COL5A1: variants seen among roughly 807,000 people sequenced by gnomAD.
COL5A1 encodes the protein collagen type V alpha 1 chain.
Under a neutral mutation model 263.7 loss-of-function variants are expected in COL5A1, and 16 were observed. The observed-to-expected ratio is 0.06, with a 90% CI of 0.04 to 0.09. COL5A1 has a LOEUF of 0.09. Ranked by LOEUF, COL5A1 falls within the 10% of genes least tolerant of loss-of-function variation. The probability of loss-of-function intolerance (pLI) is 1.00; values close to 1 mark genes in which losing one functional copy is unlikely to be tolerated. For synonymous variants in COL5A1, 1,012 were observed against 1,004.5 expected (o/e 1.01, Z -0.14); for missense variants, 2,036 against 2,540.5 (o/e 0.80, Z 4.27).
At chr9:134,790,308 A>G (rs1837621310) in intron 32 of COL5A1, among the ~76,000 whole-genome samples, 1 of 151,722 alleles carries the variant, frequency 6.6e-6, no homozygotes, top group African/African-American at 2.4e-5. Flanking sequence ...TTACCCATCC[A>G]TCCATCCACC....
intron 65 of COL5A1, among the ~76,000 whole-genome samples, chr9:134,836,962 G>A (rs935528011): frequency 1.3e-5 from 2 of 152,188 alleles, no homozygotes; most frequent in African/African-American, 4.8e-5. Context: ...CAGATCCCTG[G>A]AAAGAGGCAT....
intron 28 of COL5A1, among the ~76,000 whole-genome samples, chr9:134,780,434 A>G (rs139993129): frequency 1.7e-3 from 264 of 152,298 alleles, no homozygotes; most frequent in African/African-American, 5.9e-3. Flanking sequence ...CCCAGAGACA[A>G]CACACGGCCC....
rs912217531 is a variant in COL5A1, at chr9:134,677,048, T to G, written c.110-13864T>G. Among the ~76,000 whole-genome samples the G allele has an allele frequency of 6.6e-6, 1 of 152,144 alleles. No homozygotes were observed. Among genetic ancestry groups the G allele is most frequent in the Non-Finnish European group, 1.5e-5 (1 of 68,026 alleles). On this transcript the variant is annotated intron_variant, in intron 1 of 65. Coordinates refer to ENST00000371817, the MANE Select transcript of COL5A1 (RefSeq NM_000093.5). The surrounding 1 kb of genome is among the most constrained non-coding windows in gnomAD (Gnocchi z 4.4). ...GCCAGTCCTGGGCTTGGGGAGGCCA[T>G]GGAGTGCTCTGGTTGTGGTTTGCTG...
At chr9:134,771,168 C>T (rs549528026) in intron 25 of COL5A1, among the ~76,000 whole-genome samples, 1 of 152,266 alleles carries the variant, frequency 6.6e-6, no homozygotes, top group Non-Finnish European at 1.5e-5. Context: ...CTTCCTCGAG[C>T]AGCCGGGGCT....
intron 65 of COL5A1, among the ~76,000 whole-genome samples, chr9:134,840,412 G>A (rs1312369356): frequency 6.6e-6 from 1 of 152,156 alleles, no homozygotes; most frequent in Non-Finnish European, 1.5e-5. Flanking sequence ...TTCTCACAGC[G>A]CCTCTGTGAT....
intron 37 of COL5A1, among the ~76,000 whole-genome samples, chr9:134,799,093 TG>T (rs1838020869): frequency 1.3e-5 from 2 of 152,228 alleles, no homozygotes; most frequent in South Asian, 4.1e-4. Context: ...GTCACTCCGC[TG>T]GGCACATGGT....
In COL5A1 at chr9:134,824,793, C is replaced by T. The variant is rs764446683; in HGVS notation, c.4892C>T (p.Thr1631Met). 34 of 1,614,118 alleles carry T rather than the reference C, an allele frequency of 2.1e-5. No homozygotes were observed. The highest frequency in any genetic ancestry group is 4.5e-5 in the East Asian group (2 of 44,876). The change falls in exon 62 of 66, where the codon ACG becomes ATG. Residue 1631 changes from threonine (T) to methionine (M), a missense_variant. By Grantham distance (81) the Thr-to-Met change is moderately conservative. Transcript: ENST00000371817. Reference protein sequence around the residue: ...EIEQMKRPLGTQQNPARTCKD... With the variant: ...EIEQMKRPLGMQQNPARTCKD... ...GAGCAGATGAAACGGCCCCTGGGCA[C>T]GCAGCAGAACCCCGCCCGCACCTGC...
chr9:134,731,252 G>A (rs528502439), intron 7 of COL5A1, among the ~76,000 whole-genome samples: 14 of 152,180 alleles, frequency 9.2e-5, no homozygotes, highest in South Asian at 2.1e-4. Context: ...GCGGGTGCAC[G>A]GGTGTGCCAG....
rs1232194880 is a variant in COL5A1, at chr9:134,765,806, C to T, written c.2088+72C>T. 2.9e-5 allele frequency: 39 copies of T among 1,328,710 alleles called. No individual in the cohort carries two copies. The East Asian group carries it at 3.5e-4, about 12-fold the overall frequency. The allele number at this position is 1,328,710 out of a possible 1,614,324, so 82.3% of individuals were successfully genotyped here. On this transcript the variant is annotated intron_variant, in intron 21 of 65. Transcript: ENST00000371817. The surrounding 1 kb of genome is among the most constrained non-coding windows in gnomAD (Gnocchi z 5.1). ...GAGACCCCGCCTCCCAGCCGGTGGA[C>T]GCTTGGGCACTGGGGCAGCAAGTCC... is the stretch of plus-strand genomic sequence containing the variant.
intron 4 of COL5A1, among the ~76,000 whole-genome samples, chr9:134,707,151 G>A (rs1028619063): frequency 6.6e-6 from 1 of 152,210 alleles, no homozygotes; most frequent in Non-Finnish European, 1.5e-5. Flanking sequence ...ATGACCAGGA[G>A]GGGGGCCGTG....
chr9:134,820,719 G>C (rs74976656), intron 58 of COL5A1, among the ~76,000 whole-genome samples: 344 of 152,336 alleles, frequency 2.3e-3, no homozygotes, highest in African/African-American at 8.0e-3. Flanking sequence ...GCCATGCAGA[G>C]AGCTTCACTC....
At position 134,822,728 on chromosome 9, in the gene COL5A1, C is replaced by G. The variant is rs531481946; in HGVS notation, c.4609-270C>G. ...ATGCTCTTTTCCGCTGCGCCCCCCC[C>G]GCGGCTGTCTGAGCTGGGGTTTCCT... On this transcript the variant is annotated intron_variant, in intron 59 of 65. Coordinates refer to ENST00000371817, the MANE Select transcript of COL5A1 (RefSeq NM_000093.5). Among the ~76,000 whole-genome samples, 107 of 151,482 alleles carry G rather than the reference C, an allele frequency of 7.1e-4. 1 individual carries two copies. The highest frequency in any genetic ancestry group is 3.5e-3 in the South Asian group (17 of 4,804).
intron 1 of COL5A1, among the ~76,000 whole-genome samples, chr9:134,664,429 A>G (rs1832298366): frequency 1.3e-5 from 2 of 151,852 alleles, no homozygotes; most frequent in Admixed American, 6.6e-5. Flanking sequence ...CACCGTAAGA[A>G]GAGAATCTAC....
rs1830193443 is a variant in COL5A1 at position 134,844,529 on chromosome 9, A to T, written c.*2226A>T. The T allele has an allele frequency of 6.6e-6, 1 of 152,332 alleles. No individual in the cohort carries two copies. The highest frequency in any genetic ancestry group is 1.5e-5 in the Non-Finnish European group (1 of 68,034). 9.4% of individuals were successfully genotyped at this position (152,332 alleles called of 1,614,324 possible). A position where few individuals can be genotyped will look rare whatever the true frequency, so the allele number is the denominator to read the frequency against. ...AGCCACAGTATATTGCAATAAAATTACTTCTTATATTTGCAGAAATTCTTT... is the reference window on the plus strand; with the variant it reads ...AGCCACAGTATATTGCAATAAAATTTCTTCTTATATTTGCAGAAATTCTTT... On this transcript the variant is annotated 3_prime_UTR_variant, in exon 66 of 66. Coordinates refer to ENST00000371817, the MANE Select transcript of COL5A1 (RefSeq NM_000093.5).
In COL5A1 at chr9:134,741,998, A is replaced by G. The variant is rs1835322134; in HGVS notation, c.1494+3190A>G. On this transcript the variant is annotated intron_variant, in intron 11 of 65. Coordinates refer to ENST00000371817, the MANE Select transcript of COL5A1 (RefSeq NM_000093.5). The surrounding 1 kb of genome is among the most constrained non-coding windows in gnomAD (Gnocchi z 4.5). ...CTGCTCCCTGTGGGCAGCCGTGGGC[A>G]GCCGTGGCAATTGGCTGGGAGCCGT... Among the ~76,000 whole-genome samples, 1 of 151,388 alleles carries G rather than the reference A, an allele frequency of 6.6e-6. No homozygotes were observed. The highest frequency in any genetic ancestry group is 1.5e-5 in the Non-Finnish European group (1 of 67,910).
chr9:134,708,060 G>C (rs994585263), intron 4 of COL5A1, among the ~76,000 whole-genome samples: 3 of 152,222 alleles, frequency 2.0e-5, no homozygotes, highest in Admixed American at 1.3e-4. Flanking sequence ...TGCTGGATGA[G>C]CTGCGTTCCC....
chr9:134,820,754 G>A (rs1306766564), intron 58 of COL5A1, among the ~76,000 whole-genome samples: 1 of 152,170 alleles, frequency 6.6e-6, no homozygotes, highest in Non-Finnish European at 1.5e-5. Context: ...GAGTGACTTG[G>A]AAGTGGCCTG....
intron 2 of COL5A1, among the ~76,000 whole-genome samples, chr9:134,697,209 T>G (rs976260383): frequency 1.3e-5 from 2 of 152,118 alleles, no homozygotes; most frequent in Non-Finnish European, 2.9e-5. Flanking sequence ...GATTATAAAG[T>G]ATCAGCGTCC....
Position 134,829,962 on chromosome 9 carries a change from C to T in COL5A1, c.5068-14C>T, listed in dbSNP as rs760190159. 2.3e-5 allele frequency: 37 copies of T among 1,611,664 alleles called. No individual in the cohort carries two copies. The highest frequency in any genetic ancestry group is 4.5e-5 in the East Asian group (2 of 44,852). ...CTGTTTCTCTCCCTCCCCACCTCCC[C>T]GCTGCATGTTTAGGCCAGAATCACT... On this transcript the variant is annotated splice_polypyrimidine_tract_variant and intron_variant, in intron 63 of 65. Coordinates refer to ENST00000371817, the MANE Select transcript of COL5A1 (RefSeq NM_000093.5).
Sources: allele counts gnomAD v4.1 joint callset (sites outside exome capture counted in the v4.1 genomes callset), GRCh38; gene constraint gnomAD v4.1.1; non-coding constraint Gnocchi (gnomAD v3.1); transcripts MANE v1.5; gene names NCBI Gene and HGNC (gene_info 2026-07-23, HGNC 2026-07-21).